Variants in ZCCHC2 observed in about 807,000 individuals in gnomAD.
ZCCHC2 encodes zinc finger CCHC domain-containing protein 2.
In ZCCHC2, 39 loss-of-function variants were observed where a neutral mutation model predicts 103.6. The observed-to-expected ratio is 0.38, with a 90% CI of 0.29 to 0.49. The LOEUF is 0.49. Ranked by LOEUF, ZCCHC2 falls within the 20% of genes least tolerant of loss-of-function variation. The probability of loss-of-function intolerance (pLI) is 0.96; values close to 1 mark genes in which losing one functional copy is unlikely to be tolerated. For synonymous variants in ZCCHC2, 687 were observed against 608.9 expected (o/e 1.13, Z -1.89); for missense variants, 1,483 against 1,491.0 (o/e 0.99, Z 0.09).
Position 62,564,939 on chromosome 18 carries a change from T to G in ZCCHC2, c.1752-63T>G. On this transcript the variant is annotated intron_variant, in intron 10 of 13. Transcript: ENST00000269499. ...GTCTTGAAGGAAATTTTATCAATACTGTACTGAATGTGTTTGGTAGATAAC... is the reference window on the plus strand; with the variant it reads ...GTCTTGAAGGAAATTTTATCAATACGGTACTGAATGTGTTTGGTAGATAAC... 3.4e-6 allele frequency: 4 copies of G among 1,188,690 alleles called. No homozygotes were observed. In the South Asian group the frequency reaches 3.9e-5, roughly 12 times the overall value. The allele number at this position is 1,188,690 out of a possible 1,614,324, so 73.6% of individuals were successfully genotyped here. A position where few individuals can be genotyped will look rare whatever the true frequency, so the allele number is the denominator to read the frequency against.
intron 1 of ZCCHC2, among the ~76,000 whole-genome samples, chr18:62,538,573 G>A (rs531164138): frequency 1.3e-5 from 2 of 152,338 alleles, no homozygotes; most frequent in South Asian, 2.1e-4. Context: ...GAAGTTGGAT[G>A]TTGACTGAAG....
In ZCCHC2 at chr18:62,578,196, A is replaced by G. The variant is rs1916935983; in HGVS notation, c.*1617A>G. On this transcript the variant is annotated 3_prime_UTR_variant, in exon 14 of 14. Coordinates refer to ENST00000269499, the MANE Select transcript of ZCCHC2 (RefSeq NM_017742.6). The stretch of plus-strand genomic sequence containing the variant: ...GGAAGGGGTGGGTGTGAAGGGGTAG[A>G]TGAAAGCTTTAATTTAGAAAGAAAG... 6.6e-6 allele frequency: 1 copy of G among 152,564 alleles called. No homozygotes were observed. The allele number at this position is 152,564 out of a possible 1,614,324, so 9.5% of individuals were successfully genotyped here. A position where few individuals can be genotyped will look rare whatever the true frequency, so the allele number is the denominator to read the frequency against.
intron 14 of ZCCHC2, among the ~76,000 whole-genome samples, chr18:62,583,979 A>G (rs974663875): frequency 2.0e-5 from 3 of 152,112 alleles, no homozygotes; most frequent in African/African-American, 7.2e-5. Context: ...CTTTCCCTGG[A>G]TGCTCATTAA....
chr18:62,586,439 C>G (rs563573709), exon 15 of ZCCHC2: 3 of 151,314 alleles, frequency 2.0e-5, no homozygotes, highest in Non-Finnish European at 4.4e-5. Flanking sequence ...CCTCCTGCCC[C>G]GTCAGAAAGT....
intron 6 of ZCCHC2, among the ~76,000 whole-genome samples, chr18:62,558,276 G>A (rs191870305): frequency 6.6e-6 from 1 of 152,278 alleles, no homozygotes; most frequent in East Asian, 1.9e-4. Context: ...GACACTGAGA[G>A]ATTAACAATT....
intron 9 of ZCCHC2, 48 bp from the exon 10 acceptor site, chr18:62,564,523 A>C: frequency 7.3e-7 from 1 of 1,362,820 alleles, no homozygotes; most frequent in Non-Finnish European, 9.9e-7. Flanking sequence ...TAAAAACGTC[A>C]AAATGGTTTA....
At chr18:62,556,174 T>G (rs752346851) in intron 5 of ZCCHC2, 29 bp from the exon 6 acceptor site, 4 of 1,546,328 alleles carry the variant, frequency 2.6e-6, no homozygotes, top group Non-Finnish European at 2.6e-6. Flanking sequence ...TACCTGAAAT[T>G]AACAAATCTC....
chr18:62,560,096 G>A (rs1274234200), intron 7 of ZCCHC2, among the ~76,000 whole-genome samples: 1 of 152,196 alleles, frequency 6.6e-6, no homozygotes, highest in Non-Finnish European at 1.5e-5. Context: ...GTTTCAACAA[G>A]TAAGCTACTA....
At chr18:62,568,721 T>C (rs144341152) in intron 11 of ZCCHC2, among the ~76,000 whole-genome samples, 111 of 152,378 alleles carry the variant, frequency 7.3e-4, no homozygotes, top group Non-Finnish European at 1.4e-3. Flanking sequence ...AGTCCATTTC[T>C]AGTTTGAGAA....
intron 4 of ZCCHC2, among the ~76,000 whole-genome samples, chr18:62,545,267 G>A (rs1915363408): frequency 6.6e-6 from 1 of 152,056 alleles, no homozygotes. Context: ...CTGCAGAGAT[G>A]TGCGTCATTG....
intron 8 of ZCCHC2, among the ~76,000 whole-genome samples, chr18:62,561,176 C>G (rs1204418196): frequency 1.3e-5 from 2 of 152,182 alleles, no homozygotes; most frequent in South Asian, 2.1e-4. Flanking sequence ...TTGAGTATTT[C>G]CTATAGTCAC....
chr18:62,586,237 T>C (rs748391890), exon 15 of ZCCHC2: 3 of 152,124 alleles, frequency 2.0e-5, no homozygotes, highest in Non-Finnish European at 2.9e-5. Context: ...TTTAAATGAT[T>C]TATTGGGTTT....
intron 6 of ZCCHC2, among the ~76,000 whole-genome samples, chr18:62,557,520 CTT>C (rs1439662566): frequency 4.6e-5 from 7 of 152,178 alleles, no homozygotes; most frequent in Non-Finnish European, 5.9e-5. Flanking sequence ...AAATATGACT[CTT>C]TGTGATTAGT....
chr18:62,543,204 A>G (rs912614281), intron 3 of ZCCHC2, among the ~76,000 whole-genome samples: 3 of 151,994 alleles, frequency 2.0e-5, no homozygotes, highest in Admixed American at 1.3e-4. Flanking sequence ...GTTTTTGTGA[A>G]TCCTCACTTC....
chr18:62,563,079 G>C lies in ZCCHC2; in HGVS notation c.1621G>C (p.Asp541His). Residue 541 changes from aspartate to histidine, a missense_variant, in exon 9 of 14, where the codon GAT (aspartate) becomes CAT (histidine). Asp to His is a moderately conservative substitution (Grantham distance 81, BLOSUM62 -1). Coordinates refer to ENST00000269499, the MANE Select transcript of ZCCHC2 (RefSeq NM_017742.6). Reference protein sequence around the residue: ...MQYSEQNGIVDWRKQSCTTIQ... With the variant: ...MQYSEQNGIVHWRKQSCTTIQ... The stretch of plus-strand genomic sequence containing the variant: ...ATATTCTGAACAGAATGGAATTGTG[G>C]ATTGGAGGAAGCAAAGCTGTACCAC... 6.2e-7 allele frequency: 1 copy of C among 1,613,940 alleles called. No homozygotes were observed. The highest frequency in any genetic ancestry group is 8.5e-7 in the Non-Finnish European group (1 of 1,179,862).
rs1052748682 is a variant in ZCCHC2, at chr18:62,561,263, T to C, written c.1550+619T>C. Among the ~76,000 whole-genome samples, 4 of 152,246 alleles carry C rather than the reference T, an allele frequency of 2.6e-5. No homozygotes were observed. The South Asian group carries it at 8.3e-4, about 31-fold the overall frequency. ...TTGCCTTCATTTTTACAAGATACTC[T>C]TGCCACATGTGGACTTCTAATTGGG... On this transcript the variant is annotated intron_variant, in intron 8 of 13. Transcript: ENST00000269499.
chr18:62,566,328 A>G (rs1235835658), intron 11 of ZCCHC2, among the ~76,000 whole-genome samples: 2 of 152,216 alleles, frequency 1.3e-5, no homozygotes, highest in Non-Finnish European at 2.9e-5. Context: ...GTAAAATAAC[A>G]TGGACAAAAC....
At chr18:62,568,467 G>A (rs1001153435) in intron 11 of ZCCHC2, among the ~76,000 whole-genome samples, 19 of 152,128 alleles carry the variant, frequency 1.2e-4, no homozygotes, top group African/African-American at 3.9e-4. Context: ...AAAAAGTTAC[G>A]TTAGTATAGA....
intron 1 of ZCCHC2, among the ~76,000 whole-genome samples, chr18:62,528,600 A>AG (rs1237612054): frequency 5.0e-4 from 10 of 19,916 alleles, no homozygotes; most frequent in Middle Eastern, 0.031. Context: ...CTGTCTCGGG[A>AG]AAAAAAAAAA....
Sources: allele counts gnomAD v4.1 joint callset (sites outside exome capture counted in the v4.1 genomes callset), GRCh38; gene constraint gnomAD v4.1.1; transcripts MANE v1.5; gene names NCBI Gene and HGNC (gene_info 2026-07-23, HGNC 2026-07-21).